MYH11: variants seen among roughly 807,000 people sequenced by gnomAD.
MYH11 encodes myosin-11.
A neutral mutation model predicts 246.6 loss-of-function variants in MYH11; 80 were observed. The observed-to-expected ratio is 0.32, with a 90% CI of 0.27 to 0.39. The LOEUF (loss-of-function observed/expected upper bound fraction) is 0.39, where lower values mean the gene tolerates loss of function less well. Ranked by LOEUF, MYH11 falls within the 10% of genes least tolerant of loss-of-function variation. The probability of loss-of-function intolerance (pLI) is 1.00; values close to 1 mark genes in which losing one functional copy is unlikely to be tolerated. For synonymous variants in MYH11, 1,071 were observed against 1,015.5 expected, an observed-to-expected ratio of 1.05 and a Z score of -1.04; for missense variants, 2,158 against 2,546.8, an observed-to-expected ratio of 0.85 and a Z score of 3.29.
Position 15,838,171 on chromosome 16 carries a change from C to T in MYH11, c.82G>A (p.Ala28Thr). Residue 28 changes from alanine (A) to threonine (T), a missense_variant, in exon 2 of 41, where the codon GCT becomes ACT. Around this residue, in one of 11 missense-constraint regions of MYH11, gnomAD observed 96 missense variants for 91.9 expected, o/e 1.04. Transcript: ENST00000300036. ...KNFINSPVAQ[A>T]DWAAKRLVWV... ...ACGAGTCTCTTGGCGGCCCAGTCAG[C>T]CTGGGCCACTGGGCTGTTGATGAAG... The T allele has an allele frequency of 6.2e-7, 1 of 1,614,130 alleles. No individual in the cohort carries two copies. The highest frequency in any genetic ancestry group is 1.3e-5 in the African/African-American group (1 of 75,030).
rs2041844388 is a variant in MYH11, at chr16:15,760,533, T to C, written c.1248+7A>G. 1.3e-6 allele frequency: 2 copies of C among 1,586,516 alleles called. No homozygotes were observed. The highest frequency in any genetic ancestry group is 1.7e-6 in the Non-Finnish European group (2 of 1,155,064). On this transcript the variant is annotated splice_region_variant and intron_variant, in intron 11 of 40. Transcript: ENST00000300036. ...CATGGATGGATAAGTGATAAGTACA[T>C]CATTACCTGTTCTTTTGTCTGAGCT...
At chr16:15,789,851 C>T (rs2042567463) in intron 4 of MYH11, among the ~76,000 whole-genome samples, 1 of 152,220 alleles carries the variant, frequency 6.6e-6, no homozygotes, top group African/African-American at 2.4e-5. Context: ...AGATCCAAGA[C>T]AAGAATCAGG....
chr16:15,748,100 G>A lies in MYH11; in HGVS notation c.2127C>T (p.Arg709=), dbSNP rs2041469915. The change falls in exon 17 of 41, where the codon CGC becomes CGT. Residue 709 remains arginine, a synonymous_variant. Transcript: ENST00000300036. The part of the protein sequence containing the change: ...LRCNGVLEGI[R]ICRQGFPNRI... ...GGTTGGGGAAGCCCTGCCGGCAGAT[G>A]CGAATGCCTTCCAGCACCCCATTGC... is the stretch of plus-strand genomic sequence containing the variant. The A allele has an allele frequency of 1.2e-6, 2 of 1,614,024 alleles. No individual in the cohort carries two copies. The highest frequency in any genetic ancestry group is 1.3e-5 in the African/African-American group (1 of 74,928).
At chr16:15,759,136 A>G (rs2041806406) in intron 12 of MYH11, among the ~76,000 whole-genome samples, 1 of 151,996 alleles carries the variant, frequency 6.6e-6, no homozygotes, top group Admixed American at 6.6e-5. Context: ...TCAGGTGAGT[A>G]AGAGTCAGTG....
intron 3 of MYH11, among the ~76,000 whole-genome samples, chr16:15,804,883 C>T (rs1249763093): frequency 6.6e-6 from 1 of 152,184 alleles, no homozygotes; most frequent in Non-Finnish European, 1.5e-5. Context: ...ACGGATGGAT[C>T]ATATTTTGTT....
rs189463893 is a variant in MYH11, at chr16:15,720,823, C to T, written c.4791+16G>A. 8.7e-6 allele frequency: 14 copies of T among 1,612,566 alleles called. No homozygotes were observed. Among genetic ancestry groups the T allele is most frequent in the Non-Finnish European group, 1.1e-5 (13 of 1,179,910 alleles). On this transcript the variant is annotated intron_variant, in intron 33 of 40. Transcript: ENST00000300036. ...CCACCCGACCTCCCTCTGCTGGCCT[C>T]CCCGGCAGCACGCACCTGTCTCTGC...
In MYH11 at chr16:15,714,925, G is replaced by C; in HGVS notation, c.5770C>G (p.Leu1924Val). The C allele has an allele frequency of 1.2e-6, 2 of 1,614,016 alleles. No homozygotes were observed. The highest frequency in any genetic ancestry group is 1.1e-5 in the South Asian group (1 of 91,086). The change falls in exon 40 of 41, where the codon CTC (leucine) becomes GTC (valine). Residue 1924 changes from leucine (L) to valine (V), a missense_variant. Leu to Val is a conservative substitution (Grantham distance 32, BLOSUM62 1). Around this residue, in one of 11 missense-constraint regions of MYH11, gnomAD observed 1,013 missense variants for 993.5 expected, o/e 1.02. Transcript: ENST00000300036. ...NEAMGREVNA[L>V]KSKLRRGNET... Reference sequence around the variant, plus strand: ...GCTCCTCACCTGAGCTTGCTCTTGAGTGCGTTCACCTCGCGGCCCATGGCC... The same window carrying C: ...GCTCCTCACCTGAGCTTGCTCTTGACTGCGTTCACCTCGCGGCCCATGGCC...
rs113646446 is a variant in MYH11 at position 15,784,844 on chromosome 16, A to G, written c.633+1786T>C. On this transcript the variant is annotated intron_variant, in intron 5 of 40. Transcript: ENST00000300036. ...CTGGAGTCTCCCAGACAGACTGGTC[A>G]GCTCCTTTTCCTTGATACTGTTTCT... 1.0e-3 allele frequency: 1,024 copies of G among 1,005,550 alleles called. 5 individuals are homozygous for G. The African/African-American group carries it at 0.011, about 11-fold the overall frequency. 62.3% of individuals were successfully genotyped at this position (1,005,550 alleles called of 1,614,324 possible).
chr16:15,725,449 C>A (rs1027673429), intron 28 of MYH11: 31 of 442,494 alleles, frequency 7.0e-5, no homozygotes, highest in African/African-American at 6.5e-4. Context: ...TCCTTCCTCA[C>A]TCCTACTCTT....
At position 15,721,001 on chromosome 16, in the gene MYH11, C is replaced by T. The variant is rs776955156; in HGVS notation, c.4629G>A (p.Glu1543=). The change falls in exon 33 of 41, where the codon GAG becomes GAA. Residue 1543 remains glutamate, a synonymous_variant. Coordinates refer to ENST00000300036, the MANE Select transcript of MYH11 (RefSeq NM_002474.3). The part of the protein sequence containing the change: ...SKRALETQME[E]MKTQLEELED... The stretch of plus-strand genomic sequence containing the variant: ...CCAGCTCTTCCAGCTGCGTCTTCAT[C>T]TCCTCCATCTGGGTCTCCAGGGCCC... The T allele has an allele frequency of 1.2e-6, 2 of 1,614,132 alleles. No homozygotes were observed. The highest frequency in any genetic ancestry group is 1.1e-5 in the South Asian group (1 of 91,070).
chr16:15,837,454 C>G (rs973274962), intron 2 of MYH11, among the ~76,000 whole-genome samples: 1 of 151,962 alleles, frequency 6.6e-6, no homozygotes, highest in African/African-American at 2.4e-5. Context: ...ATAACCTCTT[C>G]AAGGGCTGAG....
At chr16:15,837,025 T>TTA (rs2043916078) in intron 2 of MYH11, among the ~76,000 whole-genome samples, 1 of 152,154 alleles carries the variant, frequency 6.6e-6, no homozygotes, top group African/African-American at 2.4e-5. Context: ...AAACCTGGTC[T>TTA]AATGTTTCTT....
Position 15,753,497 on chromosome 16 carries a change from A to G in MYH11, c.1761T>C (p.Asn587=). The stretch of plus-strand genomic sequence containing the variant: ...TATTCTTGGTCAGCCAGGCACTCGC[A>G]TTATAGTCCACCTGCCAAGGACACC... ...IIHYAGKVDY[N]ASAWLTKNMD... is the part of the protein sequence containing the mutation. The change falls in exon 15 of 41, where the codon AAT becomes AAC. Residue 587 remains asparagine, a synonymous_variant. Coordinates refer to ENST00000300036, the MANE Select transcript of MYH11 (RefSeq NM_002474.3). 6.2e-7 allele frequency: 1 copy of G among 1,614,068 alleles called. No homozygotes were observed. Among genetic ancestry groups the G allele is most frequent in the Non-Finnish European group, 8.5e-7 (1 of 1,179,916 alleles).
intron 1 of MYH11, among the ~76,000 whole-genome samples, chr16:15,841,283 G>A (rs11860745): frequency 0.015 from 2,322 of 152,202 alleles, 60 homozygotes; most frequent in African/African-American, 0.05. Flanking sequence ...GATTACAGGC[G>A]TGCACCATCA....
chr16:15,753,264 C>T lies in MYH11; in HGVS notation c.1864+130G>A, dbSNP rs2041621691. On this transcript the variant is annotated intron_variant, in intron 15 of 40. Coordinates refer to ENST00000300036, the MANE Select transcript of MYH11 (RefSeq NM_002474.3). ...TTCAACGAGACATCACCAGCCCATG[C>T]CAATGCTCTTCCTTCCCCTGCCCCC... 4 of 803,382 alleles carry T rather than the reference C, an allele frequency of 5.0e-6. No individual in the cohort carries two copies. In the Admixed American group the frequency reaches 8.0e-5, roughly 16 times the overall value. 49.8% of individuals were successfully genotyped at this position (803,382 alleles called of 1,614,324 possible).
In MYH11 at chr16:15,735,475, C is replaced by G; in HGVS notation, c.3397G>C (p.Ala1133Pro). 1 of 1,614,132 alleles carries G rather than the reference C, an allele frequency of 6.2e-7. No individual in the cohort carries two copies. The highest frequency in any genetic ancestry group is 8.5e-7 in the Non-Finnish European group (1 of 1,180,036). ...TTCTGCTTTTCAGCCTTGTTCCTGG[C>G]GGCCCGCTCTGAGTCCAGGTCCTCC... ...LQEDLDSERA[A>P]RNKAEKQKRD... The change falls in exon 26 of 41, where the codon GCC becomes CCC. Residue 1133 changes from alanine to proline, a missense_variant. Physicochemically the swap from Ala to Pro is conservative, Grantham distance 27. Coordinates refer to ENST00000300036, the MANE Select transcript of MYH11 (RefSeq NM_002474.3).
At chr16:15,739,391 G>T (rs761757148) in intron 23 of MYH11, among the ~76,000 whole-genome samples, 1 of 151,910 alleles carries the variant, frequency 6.6e-6, no homozygotes, top group South Asian at 2.1e-4. Context: ...ATGAGCCACC[G>T]CACCCGGCCT....
intron 3 of MYH11, among the ~76,000 whole-genome samples, chr16:15,819,612 T>G (rs977638079): frequency 6.6e-6 from 1 of 152,204 alleles, no homozygotes; most frequent in African/African-American, 2.4e-5. Context: ...TGGGACCGTC[T>G]AGTTGCAGGA....
At chr16:15,797,680 C>A (rs2151321088) in intron 4 of MYH11, among the ~76,000 whole-genome samples, 1 of 151,264 alleles carries the variant, frequency 6.6e-6, no homozygotes, top group African/African-American at 2.4e-5. Flanking sequence ...ATTTGTAACC[C>A]CAAAATCAAT....
Sources: gnomAD v4.1 joint callset for allele counts (sites outside exome capture counted in the v4.1 genomes callset) on GRCh38, gnomAD v4.1.1 for gene constraint, gnomAD v4.1.1 regional missense constraint, MANE v1.5 for transcripts, NCBI Gene and HGNC (gene_info 2026-07-23, HGNC 2026-07-21) for gene names.